The following EMG1 variants were observed in gnomAD, a reference collection of about 807,000 sequenced individuals.
EMG1 encodes the protein EMG1 N1-specific pseudouridine methyltransferase, also known as ribosomal RNA small subunit methyltransferase NEP1.
In EMG1, 24 loss-of-function variants were observed where a neutral mutation model predicts 26.9. That is an observed-to-expected ratio of 0.89 (90% CI 0.65 to 1.26). The LOEUF is 1.26. EMG1 is among the 50% of genes most tolerant of loss of function. EMG1 has a pLI of 0.00. For missense variants in EMG1, 299 were observed against 307.6 expected, an observed-to-expected ratio of 0.97 and a Z score of 0.21; for synonymous variants, 140 against 112.6, an observed-to-expected ratio of 1.24 and a Z score of -1.54.
downstream of EMG1, chr12:6,988,517 CA>C (rs1449058114): frequency 6.6e-6 from 1 of 152,224 alleles, no homozygotes; most frequent in African/African-American, 2.4e-5. Flanking sequence ...TGTGACCCTA[CA>C]AGATGTTTCT....
intron 6 of EMG1, among the ~76,000 whole-genome samples, chr12:6,985,300 G>C (rs1447542423): frequency 1.4e-4 from 22 of 152,044 alleles, no homozygotes; most frequent in Admixed American, 1.4e-3. Context: ...GGAGGCTGAG[G>C]CAGGAGAATG....
intron 6 of EMG1, among the ~76,000 whole-genome samples, chr12:6,986,731 A>G (rs983888735): frequency 5.4e-5 from 8 of 148,126 alleles, no homozygotes; most frequent in Non-Finnish European, 1.2e-4. Context: ...TGCAGTGAGC[A>G]GAGATTGCAG....
At chr12:6,989,799 C>T (rs114651154), downstream of EMG1, among the ~76,000 whole-genome samples, 405 of 152,226 alleles carry the variant, frequency 2.7e-3, 2 homozygotes, top group African/African-American at 9.5e-3. Context: ...ATTTCCTGTA[C>T]AATAGTTGTG....
At chr12:6,983,401 T>C, downstream of EMG1, 1 of 1,426,932 alleles carries the variant, frequency 7.0e-7, no homozygotes, top group Non-Finnish European at 9.9e-7. Flanking sequence ...TCCCACTAAT[T>C]GCGGTGTCAC....
chr12:6,982,030 C>A (rs1946476550), downstream of EMG1: 2 of 635,018 alleles, frequency 3.1e-6, no homozygotes, highest in Admixed American at 5.3e-5. Context: ...TAAATTCCTA[C>A]AAATGGAGGT....
At chr12:6,986,974 C>T (rs1189138883) in intron 6 of EMG1, among the ~76,000 whole-genome samples, 12 of 151,720 alleles carry the variant, frequency 7.9e-5, no homozygotes, top group African/African-American at 1.9e-4. Flanking sequence ...ATTAGTTAGG[C>T]GTGGTGCAGG....
At chr12:6,971,352 C>T (rs1946325366) in intron 1 of EMG1, among the ~76,000 whole-genome samples, 1 of 150,888 alleles carries the variant, frequency 6.6e-6, no homozygotes, top group African/African-American at 2.5e-5. Flanking sequence ...CGGCTCACTG[C>T]AACTTCTGCC....
intron 1 of EMG1, among the ~76,000 whole-genome samples, chr12:6,972,573 T>C (rs1270287093): frequency 6.6e-6 from 1 of 152,196 alleles, no homozygotes; most frequent in Non-Finnish European, 1.5e-5. Context: ...AATTGCAACT[T>C]GGAATTATTT....
downstream of EMG1, chr12:6,983,622 C>A (rs1333139569): frequency 1.2e-6 from 1 of 826,578 alleles, no homozygotes; most frequent in Non-Finnish European, 2.0e-6. Context: ...TGGCATGAAA[C>A]GCAGCCCAGA....
intron 1 of EMG1, among the ~76,000 whole-genome samples, chr12:6,973,895 C>T (rs1330879159): frequency 2.6e-5 from 4 of 152,232 alleles, no homozygotes; most frequent in Non-Finnish European, 4.4e-5. Flanking sequence ...GTTTGGTGTA[C>T]GCAAACTGAG....
In EMG1 at chr12:6,978,515, G is replaced by A; in HGVS notation, c.*2706G>A. 6 of 1,611,702 alleles carry A rather than the reference G, an allele frequency of 3.7e-6. No individual in the cohort carries two copies. Among genetic ancestry groups the A allele is most frequent in the Non-Finnish European group, 5.1e-6 (6 of 1,178,100 alleles). On this transcript the variant is annotated 3_prime_UTR_variant, in exon 6 of 6. Transcript: ENST00000599672. ...CAAAATGCATACTCCTTCCTGAGAG[G>A]GAATAGCTCAGTTAGGGCTCTTGCC...
downstream of EMG1, among the ~76,000 whole-genome samples, chr12:6,988,976 A>G (rs899268142): frequency 6.6e-5 from 10 of 151,940 alleles, no homozygotes; most frequent in African/African-American, 2.4e-4. Flanking sequence ...AAAATACAAA[A>G]TTAGCTGGGC....
intron 7 of EMG1, among the ~76,000 whole-genome samples, chr12:6,993,329 G>T (rs1239325687): frequency 2.0e-5 from 3 of 151,980 alleles, no homozygotes; most frequent in African/African-American, 7.3e-5. Flanking sequence ...AGCTACTCAG[G>T]AGGCTGAGGG....
chr12:6,975,078 T>G lies in EMG1; in HGVS notation c.413-12T>G, dbSNP rs372640469. The G allele has an allele frequency of 5.0e-6, 8 of 1,613,744 alleles. No individual in the cohort carries two copies. Among genetic ancestry groups the G allele is most frequent in the Non-Finnish European group, 8.5e-7 (1 of 1,179,768 alleles). ...CTCCATCTAGCTCTGAACTCTTTTT[T>G]CCCCCTTCTAGTTCAACTTTTACAC... On this transcript the variant is annotated splice_polypyrimidine_tract_variant and intron_variant, in intron 3 of 5. Transcript: ENST00000599672.
At position 6,979,692 on chromosome 12, in the gene EMG1, T is replaced by C; in HGVS notation, c.*3883T>C. 1.4e-6 allele frequency: 1 copy of C among 718,088 alleles called. No individual in the cohort carries two copies. The highest frequency in any genetic ancestry group is 2.4e-6 in the Non-Finnish European group (1 of 409,112). The allele number at this position is 718,088 out of a possible 1,614,324, so 44.5% of individuals were successfully genotyped here. On this transcript the variant is annotated 3_prime_UTR_variant, in exon 6 of 6. Coordinates refer to ENST00000599672, the MANE Select transcript of EMG1 (RefSeq NM_006331.8). ...TAGGGGTGTGGTTGTCTACCTGGAA[T>C]GGGATGAGAAGCTCTGCTGCCCAAA...
chr12:6,972,935 T>C (rs1555152474), intron 1 of EMG1, among the ~76,000 whole-genome samples: 1 of 151,804 alleles, frequency 6.6e-6, no homozygotes, highest in Non-Finnish European at 1.5e-5. Flanking sequence ...CTTCCCTGGC[T>C]CAAGCAGTCC....
chr12:6,990,717 G>A (rs1946581020), downstream of EMG1, among the ~76,000 whole-genome samples: 1 of 151,130 alleles, frequency 6.6e-6, no homozygotes, highest in African/African-American at 2.4e-5. Context: ...GAGGTCAGGA[G>A]TTTGAGACCA....
chr12:6,983,076 G>A (rs1247149049), downstream of EMG1: 4 of 542,712 alleles, frequency 7.4e-6, no homozygotes, highest in Non-Finnish European at 6.9e-6. Flanking sequence ...TGAATTCCGG[G>A]CTACCACACC....
At chr12:6,994,037 A>G (rs994062604) in intron 7 of EMG1, among the ~76,000 whole-genome samples, 1 of 152,188 alleles carries the variant, frequency 6.6e-6, no homozygotes, top group African/African-American at 2.4e-5. Context: ...GGGTCTCACT[A>G]TGTTGCCTAG....
Sources: gnomAD v4.1 joint callset for allele counts (sites outside exome capture counted in the v4.1 genomes callset) on GRCh38, gnomAD v4.1.1 for gene constraint, MANE v1.5 for transcripts, NCBI Gene and HGNC (gene_info 2026-07-23, HGNC 2026-07-21) for gene names.